Variants in ERG observed in about 807,000 individuals in gnomAD.
ERG encodes ETS transcription factor ERG, also known as transcriptional regulator ERG.
A neutral mutation model predicts 55.3 loss-of-function variants in ERG; 9 were observed. The ratio of observed to expected loss-of-function variants is 0.16; its 90% CI spans 0.10 to 0.28. ERG has a LOEUF of 0.28. Among genes scored for constraint, ERG ranks in the 10% least tolerant of loss-of-function variants. ERG has a pLI of 1.00. For synonymous variants in ERG, 223 were observed against 237.3 expected, an observed-to-expected ratio of 0.94 and a Z score of 0.55; for missense variants, 434 against 631.6, an observed-to-expected ratio of 0.69 and a Z score of 3.35.
chr21:38,550,693 T>C lies in ERG; in HGVS notation c.-41+24969A>G, dbSNP rs2059818694. Among the ~76,000 whole-genome samples the C allele has an allele frequency of 2.0e-5, 3 of 152,242 alleles. No homozygotes were observed. In the South Asian group the frequency reaches 6.2e-4, roughly 31 times the overall value. The stretch of plus-strand genomic sequence containing the variant: ...ATGCCACTCAATGTATAGCACTTTG[T>C]TACAGCAGCCCAAGCTAAGACAGCC... On this transcript the variant is annotated intron_variant, in intron 2 of 8. Transcript: ENST00000398897.
chr21:38,376,259 G>C (rs1378868289), downstream of ERG, among the ~76,000 whole-genome samples: 1 of 152,178 alleles, frequency 6.6e-6, no homozygotes, highest in Non-Finnish European at 1.5e-5. Flanking sequence ...GATGAGGGGA[G>C]GGGTTTCTTC....
chr21:38,486,152 C>G (rs2059283548), intron 1 of ERG, among the ~76,000 whole-genome samples: 2 of 151,770 alleles, frequency 1.3e-5, no homozygotes, highest in South Asian at 4.2e-4. Context: ...CCAGGATGGT[C>G]TCCATCTCCT....
At chr21:38,520,227 A>G (rs1173843149) in intron 2 of ERG, among the ~76,000 whole-genome samples, 1 of 152,168 alleles carries the variant, frequency 6.6e-6, no homozygotes, top group Non-Finnish European at 1.5e-5. Context: ...GTTCTTCCCA[A>G]GACCCTTCTT....
At chr21:38,486,893 G>A (rs1039731579) in intron 1 of ERG, among the ~76,000 whole-genome samples, 8 of 152,240 alleles carry the variant, frequency 5.3e-5, no homozygotes, top group African/African-American at 1.9e-4. Flanking sequence ...ACTGTTCAAA[G>A]CACATACAAG....
intron 2 of ERG, among the ~76,000 whole-genome samples, chr21:38,515,764 C>A (rs1194957070): frequency 1.3e-5 from 2 of 151,876 alleles, no homozygotes; most frequent in Non-Finnish European, 2.9e-5. Flanking sequence ...AAACCAACAG[C>A]ACATCAAAAA....
At chr21:38,571,426 G>T (rs890381701) in intron 2 of ERG, among the ~76,000 whole-genome samples, 21 of 152,026 alleles carry the variant, frequency 1.4e-4, no homozygotes, top group Admixed American at 3.9e-4. Context: ...CAGGAAGATC[G>T]CTTGAGCCTG....
the ERG span, among the ~76,000 whole-genome samples, chr21:38,370,157 T>C: frequency 1.3e-5 from 2 of 152,110 alleles, no homozygotes; most frequent in Non-Finnish European, 2.9e-5. Flanking sequence ...GCAAAATAGA[T>C]ATTATTTTGA....
Position 38,382,885 on chromosome 21 carries a change from G to A in ERG, c.*518C>T, listed in dbSNP as rs1987513034. On this transcript the variant is annotated 3_prime_UTR_variant, in exon 10 of 10. Coordinates refer to ENST00000288319, the MANE Select transcript of ERG (RefSeq NM_182918.4). ...CAACCAAAACAGCACATGCCATGCAGTTGCATATCAACGTCTGTTGATGGG... is the reference window on the plus strand; with the variant it reads ...CAACCAAAACAGCACATGCCATGCAATTGCATATCAACGTCTGTTGATGGG... 1 of 1,066,522 alleles carries A rather than the reference G, an allele frequency of 9.4e-7. No individual in the cohort carries two copies. The highest frequency in any genetic ancestry group is 1.1e-6 in the Non-Finnish European group (1 of 879,768). 66.1% of individuals were successfully genotyped at this position (1,066,522 alleles called of 1,614,324 possible).
chr21:38,435,653 C>T (rs1990411474), intron 2 of ERG, among the ~76,000 whole-genome samples: 1 of 152,152 alleles, frequency 6.6e-6, no homozygotes, highest in Non-Finnish European at 1.5e-5. Context: ...GTTCTTTGTC[C>T]CCTTAAAGGG....
chr21:38,525,145 T>C (rs1484887910), intron 2 of ERG, among the ~76,000 whole-genome samples: 1 of 152,088 alleles, frequency 6.6e-6, no homozygotes, highest in Non-Finnish European at 1.5e-5. Context: ...AGAAATTTAT[T>C]TCAGATAATC....
chr21:38,543,201 C>G lies in ERG; in HGVS notation c.-41+32461G>C, dbSNP rs1396093010. 2.0e-5 allele frequency among the ~76,000 whole-genome samples: 3 copies of G among 152,066 alleles called. No homozygotes were observed. In the East Asian group the frequency reaches 5.8e-4, roughly 29 times the overall value. On this transcript the variant is annotated intron_variant, in intron 2 of 8. Coordinates refer to the ERG transcript ENST00000398897. ...AAATATCTAAAATGTATATTATGCT[C>G]TCCAAATCCTGGTCATCTCCAGGTT...
intron 2 of ERG, among the ~76,000 whole-genome samples, chr21:38,442,081 G>A (rs941255781): frequency 6.6e-6 from 1 of 152,196 alleles, no homozygotes; most frequent in Admixed American, 6.5e-5. Flanking sequence ...CCTGAGAGAG[G>A]AACTCTTAAA....
intron 2 of ERG, among the ~76,000 whole-genome samples, chr21:38,567,997 G>A (rs958436077): frequency 6.6e-6 from 1 of 152,144 alleles, no homozygotes; most frequent in Non-Finnish European, 1.5e-5. Context: ...AATATTTAGC[G>A]TTACTTCCAG....
intron 2 of ERG, among the ~76,000 whole-genome samples, chr21:38,425,855 T>G (rs767082197): frequency 6.6e-6 from 1 of 152,086 alleles, no homozygotes; most frequent in Non-Finnish European, 1.5e-5. Flanking sequence ...ACTTTCTGAG[T>G]GGGGTGAGAT....
intron 2 of ERG, among the ~76,000 whole-genome samples, chr21:38,551,598 A>C (rs797021474): frequency 4.6e-5 from 7 of 152,148 alleles, no homozygotes; most frequent in African/African-American, 1.7e-4. Flanking sequence ...TCTTAGTTTC[A>C]TTGTTTACCC....
chr21:38,573,186 C>T (rs929975305), intron 2 of ERG, among the ~76,000 whole-genome samples: 2 of 152,228 alleles, frequency 1.3e-5, no homozygotes, highest in East Asian at 3.8e-4. Context: ...TGCGGAAAGC[C>T]GCAGGGACCT....
chr21:38,561,940 T>C (rs1023372), intron 2 of ERG, among the ~76,000 whole-genome samples: 140,291 of 152,264 alleles, frequency 0.92, 64,969 homozygotes, highest in Middle Eastern at 0.99. Context: ...CTCAATTAAG[T>C]AAAACACAAC....
chr21:38,574,344 C>T (rs35004194), intron 2 of ERG, among the ~76,000 whole-genome samples: 12,449 of 152,208 alleles, frequency 0.082, 553 homozygotes, highest in South Asian at 0.15. Context: ...ATAAACACAA[C>T]CATCATAGCC....
At chr21:38,543,038 G>C (rs976797359) in intron 2 of ERG, among the ~76,000 whole-genome samples, 1 of 151,960 alleles carries the variant, frequency 6.6e-6, no homozygotes, top group Admixed American at 6.6e-5. Context: ...CCTACAGATG[G>C]GTGGCCCACC....
Sources: gnomAD v4.1 joint callset for allele counts (sites outside exome capture counted in the v4.1 genomes callset) on GRCh38, gnomAD v4.1.1 for gene constraint, MANE v1.5 for transcripts, NCBI Gene and HGNC (gene_info 2026-07-23, HGNC 2026-07-21) for gene names.